ZNF420: variants seen among roughly 807,000 people sequenced by gnomAD.
ZNF420 encodes zinc finger protein 420, also known as ATM and p53-associated KZNF protein.
A neutral mutation model predicts 44.7 loss-of-function variants in ZNF420; 31 were observed. That is an observed-to-expected ratio of 0.69 (90% CI 0.52 to 0.94). The LOEUF (loss-of-function observed/expected upper bound fraction) is 0.94, where lower values mean the gene tolerates loss of function less well. Ranked by LOEUF, ZNF420 falls within the 40% of genes least tolerant of loss-of-function variation. The pLI is 0.00. For missense variants in ZNF420, 681 were observed against 827.9 expected, an observed-to-expected ratio of 0.82 and a Z score of 2.18; for synonymous variants, 245 against 267.4, an observed-to-expected ratio of 0.92 and a Z score of 0.82.
At chr19:37,101,948 A>G (rs1319841295) in intron 4 of ZNF420, among the ~76,000 whole-genome samples, 1 of 152,134 alleles carries the variant, frequency 6.6e-6, no homozygotes, top group African/African-American at 2.4e-5. Context: ...AGACAGGTGT[A>G]CATCTCCCAG....
At chr19:37,051,999 G>A (rs1039769256) in intron 1 of ZNF420, among the ~76,000 whole-genome samples, 5 of 152,204 alleles carry the variant, frequency 3.3e-5, no homozygotes, top group Non-Finnish European at 7.3e-5. Context: ...GGGAGTCTAA[G>A]TCTCTTTCTA....
Position 37,128,150 on chromosome 19 carries a change from A to G in ZNF420, c.1159A>G (p.Asn387Asp). The change falls in exon 5 of 5, where the codon AAT becomes GAT. Residue 387 changes from asparagine to aspartate, a missense_variant. Transcript: ENST00000337995. The part of the protein sequence containing the change: ...QLTQHQRIHT[N>D]EKPYECKECG... ...TACTCAACACCAGAGAATTCACACC[A>G]ATGAAAAGCCCTATGAATGTAAGGA... The G allele has an allele frequency of 1.2e-6, 2 of 1,613,852 alleles. No individual in the cohort carries two copies. The highest frequency in any genetic ancestry group is 1.7e-6 in the Non-Finnish European group (2 of 1,179,920).
chr19:37,042,981 G>A (rs1316358511), intron 1 of ZNF420, among the ~76,000 whole-genome samples: 1 of 152,146 alleles, frequency 6.6e-6, no homozygotes, highest in East Asian at 1.9e-4. Flanking sequence ...AGAGAGAAAT[G>A]GCTGGCCAGG....
intron 1 of ZNF420, among the ~76,000 whole-genome samples, chr19:37,071,061 G>A (rs1968049627): frequency 6.6e-6 from 1 of 152,162 alleles, no homozygotes; most frequent in Non-Finnish European, 1.5e-5. Flanking sequence ...TTTCCTATAT[G>A]TCCCTTTGCA....
chr19:37,018,737 T>G (rs1191286185), intron 1 of ZNF420, among the ~76,000 whole-genome samples: 1 of 152,112 alleles, frequency 6.6e-6, no homozygotes, highest in African/African-American at 2.4e-5. Context: ...CCAGTGAATT[T>G]TTTTATATTT....
At chr19:37,120,025 C>G (rs887279485) in intron 4 of ZNF420, among the ~76,000 whole-genome samples, 23 of 152,028 alleles carry the variant, frequency 1.5e-4, no homozygotes, top group Admixed American at 9.2e-4. Context: ...GGATTCACAG[C>G]CAAATTCTAC....
rs553578805 is a variant in ZNF420, at chr19:37,061,144, G to C, written c.-124-19201G>C. On this transcript the variant is annotated intron_variant, in intron 1 of 4. Transcript: ENST00000587029. ...CCATTGTTTGTTTCGCCATCGCCCCGTATGCCCTCTGTGACACACATTCAC... is the reference window on the plus strand; with the variant it reads ...CCATTGTTTGTTTCGCCATCGCCCCCTATGCCCTCTGTGACACACATTCAC... Among the ~76,000 whole-genome samples, 181 of 152,190 alleles carry C rather than the reference G, an allele frequency of 1.2e-3. 1 individual carries two copies. The highest frequency in any genetic ancestry group is 3.2e-4 in the Non-Finnish European group (22 of 68,028).
At chr19:37,099,083 T>C (rs1969616411) in intron 4 of ZNF420, among the ~76,000 whole-genome samples, 1 of 152,222 alleles carries the variant, frequency 6.6e-6, no homozygotes, top group Non-Finnish European at 1.5e-5. Context: ...ATTTATCTTT[T>C]GATGGACACT....
At chr19:37,124,378 G>A (rs1476042208) in intron 4 of ZNF420, among the ~76,000 whole-genome samples, 2 of 152,186 alleles carry the variant, frequency 1.3e-5, no homozygotes, top group African/African-American at 4.8e-5. Context: ...AGGGACATCT[G>A]GTAGTTCCAG....
At chr19:37,049,117 T>C (rs1265141006) in intron 1 of ZNF420, among the ~76,000 whole-genome samples, 1 of 152,156 alleles carries the variant, frequency 6.6e-6, no homozygotes, top group Non-Finnish European at 1.5e-5. Context: ...AGTCTATCAT[T>C]GTTGGACATT....
At chr19:37,076,358 ATTCT>A (rs1304233566), upstream of ZNF420, among the ~76,000 whole-genome samples, 1 of 149,440 alleles carries the variant, frequency 6.7e-6, no homozygotes, top group African/African-American at 2.5e-5. Flanking sequence ...ATTGGACATA[ATTCT>A]TTTTTATTTT....
upstream of ZNF420, among the ~76,000 whole-genome samples, chr19:37,076,566 C>T (rs1002557897): frequency 1.3e-5 from 2 of 152,062 alleles, no homozygotes; most frequent in Middle Eastern, 3.2e-3. Context: ...ATGTTCCTTA[C>T]CCTGTGTCCA....
intron 1 of ZNF420, among the ~76,000 whole-genome samples, chr19:37,066,891 C>T (rs1032450768): frequency 2.6e-5 from 4 of 151,988 alleles, no homozygotes; most frequent in African/African-American, 9.7e-5. Flanking sequence ...GGAAATAGCA[C>T]AAAAGTTCAA....
intron 1 of ZNF420, among the ~76,000 whole-genome samples, chr19:37,042,213 G>A (rs375788556): frequency 7.2e-5 from 11 of 152,190 alleles, no homozygotes; most frequent in African/African-American, 2.7e-4. Context: ...TGGCCAGGCT[G>A]GTCTTGAACT....
intron 4 of ZNF420, chr19:37,093,213 C>T (rs891309985): frequency 6.6e-6 from 1 of 151,868 alleles, no homozygotes; most frequent in Admixed American, 6.6e-5. Context: ...ACAACCACAT[C>T]TCGCGTGAAC....
At chr19:37,087,709 G>C (rs1371006562) in intron 2 of ZNF420, among the ~76,000 whole-genome samples, 3 of 152,234 alleles carry the variant, frequency 2.0e-5, no homozygotes, top group African/African-American at 4.8e-5. Flanking sequence ...GCAGTGGCGC[G>C]ATCTCGGCTC....
intron 2 of ZNF420, among the ~76,000 whole-genome samples, chr19:37,081,700 A>ATTT (rs35066350): frequency 0.011 from 753 of 66,872 alleles, 68 homozygotes; most frequent in African/African-American, 0.043. Flanking sequence ...TAATTTTTGT[A>ATTT]TTTTTTTTTT....
chr19:37,116,365 C>G (rs111386544), intron 4 of ZNF420, among the ~76,000 whole-genome samples: 1 of 124,842 alleles, frequency 8.0e-6, no homozygotes, highest in Non-Finnish European at 1.6e-5. Flanking sequence ...CAGGACTCCA[C>G]CTCAAAAAAA....
intron 3 of ZNF420, among the ~76,000 whole-genome samples, chr19:37,090,309 A>G (rs995603629): frequency 6.6e-6 from 1 of 151,526 alleles, no homozygotes; most frequent in African/African-American, 2.4e-5. Context: ...AGCCTGGGCA[A>G]CATAACAAGA....
Sources: allele counts gnomAD v4.1 joint callset (sites outside exome capture counted in the v4.1 genomes callset), GRCh38; gene constraint gnomAD v4.1.1; transcripts MANE v1.5; gene names NCBI Gene and HGNC (gene_info 2026-07-23, HGNC 2026-07-21).